Variants in ELAVL2 observed in about 807,000 individuals in gnomAD.
ELAVL2 encodes ELAV like RNA binding protein 2.
In ELAVL2, 4 loss-of-function variants were observed where a neutral mutation model predicts 34.6. The ratio of observed to expected loss-of-function variants is 0.12; its 90% CI spans 0.06 to 0.26. ELAVL2 has a LOEUF of 0.26. Among genes scored for constraint, ELAVL2 ranks in the 10% least tolerant of loss-of-function variants. The pLI, the probability that ELAVL2 is intolerant of heterozygous loss-of-function variation, is 1.00. For missense variants in ELAVL2, 432 were observed against 442.8 expected, an observed-to-expected ratio of 0.98 and a Z score of 0.22; for synonymous variants, 193 against 154.8, an observed-to-expected ratio of 1.25 and a Z score of -1.83.
chr9:23,838,315 T>C, the ELAVL2 span, among the ~76,000 whole-genome samples: 2 of 152,124 alleles, frequency 1.3e-5, no homozygotes, highest in Non-Finnish European at 2.9e-5. Flanking sequence ...GAAAAAACTC[T>C]ACAGCTCAAG....
intron 5 of ELAVL2, among the ~76,000 whole-genome samples, chr9:23,696,494 A>T (rs1218867432): frequency 6.6e-6 from 1 of 152,184 alleles, no homozygotes; most frequent in Admixed American, 6.5e-5. Context: ...TTTGAGACGA[A>T]GTCTCGCTCT....
chr9:23,720,991 G>C (rs16907650), intron 3 of ELAVL2, among the ~76,000 whole-genome samples: 3,949 of 152,202 alleles, frequency 0.026, 104 homozygotes, highest in East Asian at 0.12. Flanking sequence ...GCAGTCTCTT[G>C]TGTAAAGGCA....
chr9:23,770,855 G>A (rs1415877665), intron 1 of ELAVL2, among the ~76,000 whole-genome samples: 1 of 152,174 alleles, frequency 6.6e-6, no homozygotes, highest in African/African-American at 2.4e-5. Flanking sequence ...CAGCCCCCAT[G>A]GAGATATCTA....
intron 2 of ELAVL2, among the ~76,000 whole-genome samples, chr9:23,755,989 A>G (rs903903767): frequency 6.6e-6 from 1 of 152,168 alleles, no homozygotes; most frequent in Non-Finnish European, 1.5e-5. Flanking sequence ...TGATTGACTC[A>G]TAGGAAATAA....
chr9:23,701,417 C>T lies in ELAVL2; in HGVS notation c.675G>A (p.Arg225=). 1 of 1,614,070 alleles carries T rather than the reference C, an allele frequency of 6.2e-7. No homozygotes were observed. Among genetic ancestry groups the T allele is most frequent in the Non-Finnish European group, 8.5e-7 (1 of 1,179,994 alleles). Residue 225 remains arginine (R), a synonymous_variant, in exon 5 of 7, where the codon AGG becomes AGA. Coordinates refer to ENST00000397312, the MANE Select transcript of ELAVL2 (RefSeq NM_004432.5). ...CCTGCTGAGCTAGCGGTCCTGGATA[C>T]CTTCTGTTTGGAGACTGGTACAGCT... The part of the protein sequence containing the change: ...LSQLYQSPNR[R]YPGPLAQQAQ...
chr9:23,749,081 G>C (rs1351788731), intron 2 of ELAVL2, among the ~76,000 whole-genome samples: 1 of 152,098 alleles, frequency 6.6e-6, no homozygotes, highest in Non-Finnish European at 1.5e-5. Flanking sequence ...ATAATACTGT[G>C]AATGTGCTTA....
At position 23,803,002 on chromosome 9, in the gene ELAVL2, C is replaced by T. The variant is rs533017858; in HGVS notation, c.-16+22804G>A. On this transcript the variant is annotated intron_variant, in intron 1 of 6. Transcript: ENST00000397312. ...TGGGGTCCTCAATAATTTAAGTGTA[C>T]AAAGGGATCCTCTGATCAAGAACTT... Among the ~76,000 whole-genome samples the T allele has an allele frequency of 2.0e-5, 3 of 152,220 alleles. No individual in the cohort carries two copies. The East Asian group carries it at 5.8e-4, about 29-fold the overall frequency.
chr9:23,731,195 G>T, intron 2 of ELAVL2, 70 bp from the exon 3 acceptor site: 1 of 1,383,846 alleles, frequency 7.2e-7, no homozygotes, highest in Non-Finnish European at 9.9e-7. Flanking sequence ...CTTTCATTTT[G>T]GCATATGGTC....
intron 3 of ELAVL2, among the ~76,000 whole-genome samples, chr9:23,711,371 G>T (rs1356002694): frequency 6.6e-6 from 1 of 152,142 alleles, no homozygotes; most frequent in Non-Finnish European, 1.5e-5. Context: ...AGATACCACG[G>T]AATATATTTG....
chr9:23,804,173 A>ATTTTTTTTT (rs200046594), intron 1 of ELAVL2, among the ~76,000 whole-genome samples: 1 of 148,464 alleles, frequency 6.7e-6, no homozygotes, highest in Admixed American at 6.8e-5. Context: ...TTATTTATTT[A>ATTTTTTTTT]TTTATTTATT....
intron 1 of ELAVL2, among the ~76,000 whole-genome samples, chr9:23,773,070 A>T (rs1026861480): frequency 6.6e-6 from 1 of 152,172 alleles, no homozygotes; most frequent in Non-Finnish European, 1.5e-5. Context: ...AAGAAAAAAA[A>T]GTGGGGGAGG....
intron 3 of ELAVL2, among the ~76,000 whole-genome samples, chr9:23,708,815 T>C (rs921911659): frequency 3.3e-5 from 5 of 151,984 alleles, no homozygotes; most frequent in Admixed American, 1.3e-4. Flanking sequence ...TTTTTTTGTA[T>C]TTTTTAGAGA....
rs1176229952 is a variant in ELAVL2 at position 23,774,229 on chromosome 9, AAAAAAAAAAG to A, written c.-15-11990_-15-11981del. 3.4e-5 allele frequency among the ~76,000 whole-genome samples: 5 copies of A among 147,848 alleles called. No homozygotes were observed. The East Asian group carries it at 9.8e-4, about 29-fold the overall frequency. ...ACTCCATCTCAAAAAAAAAAAAAAAAAAAAAAAAAGAAAGAAAGAAAGAAAGAAAATTTGC... is the reference window on the plus strand; with the variant it reads ...ACTCCATCTCAAAAAAAAAAAAAAAAAAAGAAAGAAAGAAAGAAAATTTGC... On this transcript the variant is annotated intron_variant, in intron 1 of 6. Coordinates refer to ENST00000397312, the MANE Select transcript of ELAVL2 (RefSeq NM_004432.5).
rs958679752 is a variant in ELAVL2, at chr9:23,722,048, T to C, written c.333+8974A>G. Among the ~76,000 whole-genome samples the C allele has an allele frequency of 9.9e-5, 15 of 152,282 alleles. No individual in the cohort carries two copies. In the South Asian group the frequency reaches 1.0e-3, roughly 11 times the overall value. Reference sequence around the variant, plus strand: ...TCTGTCTCATTGCCCAAAAGCAGCATGTCAAGACACTTCTGGAAATAAAAC... The same window carrying C: ...TCTGTCTCATTGCCCAAAAGCAGCACGTCAAGACACTTCTGGAAATAAAAC... On this transcript the variant is annotated intron_variant, in intron 3 of 6. Transcript: ENST00000397312.
chr9:23,736,267 A>T (rs77610662), intron 2 of ELAVL2, among the ~76,000 whole-genome samples: 1 of 152,120 alleles, frequency 6.6e-6, no homozygotes, highest in Non-Finnish European at 1.5e-5. Context: ...TGGAAAATAA[A>T]ATTTTGTATT....
chr9:23,813,117 A>C (rs1479621785), intron 1 of ELAVL2, among the ~76,000 whole-genome samples: 3 of 152,188 alleles, frequency 2.0e-5, no homozygotes, highest in Admixed American at 2.0e-4. Flanking sequence ...CACACACCAA[A>C]GTTGCTCTCT....
At chr9:23,837,013 G>A in the ELAVL2 span, among the ~76,000 whole-genome samples, 3 of 152,176 alleles carry the variant, frequency 2.0e-5, no homozygotes, top group Non-Finnish European at 4.4e-5. Flanking sequence ...TTGCAATGAG[G>A]AGGCAGGGTC....
intron 3 of ELAVL2, among the ~76,000 whole-genome samples, chr9:23,711,879 T>C (rs2041060730): frequency 6.6e-6 from 1 of 152,202 alleles, no homozygotes; most frequent in Admixed American, 6.5e-5. Flanking sequence ...GAGAGTTTAT[T>C]TCTGAAATAC....
At chr9:23,814,592 A>C (rs1157819263) in intron 1 of ELAVL2, among the ~76,000 whole-genome samples, 1 of 152,196 alleles carries the variant, frequency 6.6e-6, no homozygotes, top group Non-Finnish European at 1.5e-5. Context: ...TTTTAAACAA[A>C]ATAAGCCAGC....
Sources: allele counts gnomAD v4.1 joint callset (sites outside exome capture counted in the v4.1 genomes callset), GRCh38; gene constraint gnomAD v4.1.1; transcripts MANE v1.5; gene names NCBI Gene and HGNC (gene_info 2026-07-23, HGNC 2026-07-21).